TBCE: variants seen among roughly 807,000 people sequenced by gnomAD.
TBCE encodes the protein tubulin folding cofactor E, also known as tubulin-specific chaperone E.
TBCE carries 53 observed loss-of-function variants against 77.0 expected under a neutral mutation model. The ratio of observed to expected loss-of-function variants is 0.69; its 90% confidence interval spans 0.55 to 0.87. The LOEUF is 0.87. Among genes scored for constraint, TBCE ranks in the 40% least tolerant of loss-of-function variants. The pLI, the probability that TBCE is intolerant of heterozygous loss-of-function variation, is 0.00. For missense variants in TBCE, 624 were observed against 622.4 expected (o/e 1.00, Z -0.03); for synonymous variants, 235 against 241.3 (o/e 0.97, Z 0.24).
At chr1:235,387,668 G>A (rs1678109197) in intron 2 of TBCE, among the ~76,000 whole-genome samples, 2 of 152,144 alleles carry the variant, frequency 1.3e-5, no homozygotes, top group South Asian at 4.1e-4. Context: ...CAGTATTAGG[G>A]TGGGAGTGAC....
chr1:235,371,813 C>A (rs1676975101), intron 1 of TBCE, among the ~76,000 whole-genome samples: 1 of 152,212 alleles, frequency 6.6e-6, no homozygotes, highest in South Asian at 2.1e-4. Flanking sequence ...GCTGGGATTA[C>A]AGGGACCCGC....
At chr1:235,431,111 A>G (rs1434806511) in intron 7 of TBCE, among the ~76,000 whole-genome samples, 1 of 152,184 alleles carries the variant, frequency 6.6e-6, no homozygotes, top group Non-Finnish European at 1.5e-5. Context: ...AAAAAGCCGT[A>G]GTGTTGGCTA....
chr1:235,435,230 A>G (rs893497321), intron 8 of TBCE, among the ~76,000 whole-genome samples: 2 of 151,676 alleles, frequency 1.3e-5, no homozygotes, highest in African/African-American at 4.8e-5. Context: ...CCTCCCATGT[A>G]GCTGGGACTA....
chr1:235,439,103 A>G (rs1445371949), intron 13 of TBCE, 181 bp downstream of exon 13: 3 of 721,140 alleles, frequency 4.2e-6, no homozygotes, highest in Non-Finnish European at 7.0e-6. Flanking sequence ...GGGCAAGAGC[A>G]GTATCTTTCA....
chr1:235,407,435 G>T (rs778547946), intron 3 of TBCE, among the ~76,000 whole-genome samples: 1 of 152,140 alleles, frequency 6.6e-6, no homozygotes, highest in African/African-American at 2.4e-5. Flanking sequence ...CTGAAAGAAA[G>T]TTCATTGGCA....
At chr1:235,395,576 G>A (rs1429456286) in intron 2 of TBCE, among the ~76,000 whole-genome samples, 2 of 138,372 alleles carry the variant, frequency 1.4e-5, no homozygotes, top group African/African-American at 2.8e-5. Flanking sequence ...GTGGAGTCTC[G>A]CTCTGTCGCC....
chr1:235,443,169 CACACACACACACACACATATATATAT>C (rs1352216254), intron 15 of TBCE, among the ~76,000 whole-genome samples: 4 of 137,908 alleles, frequency 2.9e-5, no homozygotes, highest in African/African-American at 9.0e-5. Flanking sequence ...TATAATTACA[CACACACACACACACACATATATATAT>C]ACACACACAC....
chr1:235,375,714 T>C (rs1420504344), intron 1 of TBCE, among the ~76,000 whole-genome samples: 5 of 151,992 alleles, frequency 3.3e-5, no homozygotes, highest in Admixed American at 6.6e-5. Context: ...AAGACATTAT[T>C]AGAAACGTTC....
At chr1:235,422,427 A>G (rs1025086523) in intron 5 of TBCE, among the ~76,000 whole-genome samples, 1 of 151,992 alleles carries the variant, frequency 6.6e-6, no homozygotes, top group African/African-American at 2.4e-5. Context: ...GAGGCAGGAT[A>G]ATCACTTGAA....
At position 235,371,378 on chromosome 1, in the gene TBCE, C is replaced by CT. The variant is rs1256615105; in HGVS notation, c.-32+3889dup. Among the ~76,000 whole-genome samples, 847 of 134,980 alleles carry CT rather than the reference C, an allele frequency of 6.3e-3. 7 individuals are homozygous for CT. The highest frequency in any genetic ancestry group is 0.016 in the African/African-American group (594 of 36,704). The allele number at this position is 134,980 out of a possible 152,430, so 88.6% of individuals were successfully genotyped here. On this transcript the variant is annotated intron_variant, in intron 1 of 16. Coordinates refer to ENST00000642610, the MANE Select transcript of TBCE (RefSeq NM_003193.5). ...GCCACTCTTGTCTTTTTTTTTTTCC[C>CT]TTTTTTTTTTTTTTTGAGACAGGGT...
Position 235,441,891 on chromosome 1 carries a change from C to T in TBCE, c.1339+9C>T. The T allele has an allele frequency of 1.2e-6, 2 of 1,612,854 alleles. No homozygotes were observed. The highest frequency in any genetic ancestry group is 8.5e-7 in the Non-Finnish European group (1 of 1,179,098). ...GAAAAACCAGCTACTAAGTAAGAATCTCAGATTCAAATAGTTTATTTGTAT... is the reference window on the plus strand; with the variant it reads ...GAAAAACCAGCTACTAAGTAAGAATTTCAGATTCAAATAGTTTATTTGTAT... On this transcript the variant is annotated intron_variant, in intron 14 of 16. Transcript: ENST00000642610.
At chr1:235,421,238 C>T (rs926195865) in intron 5 of TBCE, among the ~76,000 whole-genome samples, 5 of 151,022 alleles carry the variant, frequency 3.3e-5, no homozygotes, top group African/African-American at 1.2e-4. Flanking sequence ...CAGACCTTGT[C>T]TCTATAAAAA....
chr1:235,430,689 T>G lies in TBCE; in HGVS notation c.561-16T>G, dbSNP rs772079854. 2.1e-5 allele frequency: 33 copies of G among 1,568,994 alleles called. No individual in the cohort carries two copies. The highest frequency in any genetic ancestry group is 2.9e-5 in the Non-Finnish European group (33 of 1,142,794). On this transcript the variant is annotated splice_polypyrimidine_tract_variant and intron_variant, in intron 6 of 16. Coordinates refer to ENST00000642610, the MANE Select transcript of TBCE (RefSeq NM_003193.5). ...TGTATAGAAATAAGTACATTGTATCTTTTTTTTCTACACAGTGAAAATAAA... is the reference window on the plus strand; with the variant it reads ...TGTATAGAAATAAGTACATTGTATCGTTTTTTTCTACACAGTGAAAATAAA...
rs1157708466 is a variant in TBCE, at chr1:235,442,873, A to G, written c.1361A>G (p.His454Arg). The G allele has an allele frequency of 5.0e-6, 8 of 1,613,958 alleles. No individual in the cohort carries two copies. The highest frequency in any genetic ancestry group is 6.8e-6 in the Non-Finnish European group (8 of 1,179,990). Residue 454 changes from histidine (H) to arginine (R), a missense_variant, in exon 15 of 17, where the codon CAT becomes CGT. Physicochemically the swap from His to Arg is conservative, Grantham distance 29. Coordinates refer to ENST00000642610, the MANE Select transcript of TBCE (RefSeq NM_003193.5). ...QLLTLKIKYPHQLDQKVLEKQ... is the reference protein window; with the variant it reads ...QLLTLKIKYPRQLDQKVLEKQ... Reference sequence around the variant, plus strand: ...AAAGCACTGAAGATAAAATACCCTCATCAACTTGATCAGAAAGTCCTGGAG... The same window carrying G: ...AAAGCACTGAAGATAAAATACCCTCGTCAACTTGATCAGAAAGTCCTGGAG...
intron 13 of TBCE, chr1:235,440,968 T>C (rs1205270631): frequency 6.6e-6 from 1 of 152,258 alleles, no homozygotes; most frequent in Non-Finnish European, 1.5e-5. Flanking sequence ...TATTTCTTAA[T>C]GCAAGAAGCT....
intron 4 of TBCE, chr1:235,415,211 T>G (rs1680045094): frequency 6.4e-6 from 1 of 155,054 alleles, no homozygotes; most frequent in East Asian, 1.9e-4. Flanking sequence ...CAGGCTGGTC[T>G]TGAACTCTTG....
At chr1:235,442,521 T>C (rs1010797797) in intron 14 of TBCE, among the ~76,000 whole-genome samples, 1 of 152,206 alleles carries the variant, frequency 6.6e-6, no homozygotes, top group South Asian at 2.1e-4. Flanking sequence ...TTTTTGTAAC[T>C]CCTATGTTTT....
intron 15 of TBCE, among the ~76,000 whole-genome samples, chr1:235,447,909 C>A (rs532768784): frequency 7.2e-5 from 11 of 152,042 alleles, no homozygotes; most frequent in Admixed American, 5.3e-4. Flanking sequence ...GGTAAAGTGA[C>A]TTGGGTAAAA....
At chr1:235,432,917 T>C (rs868537875) in intron 7 of TBCE, 2 of 648,572 alleles carry the variant, frequency 3.1e-6, no homozygotes, top group Non-Finnish European at 4.0e-6. Flanking sequence ...TTTTTTGTAA[T>C]TTTTTTTTTT....
Sources: gnomAD v4.1 joint callset for allele counts (sites outside exome capture counted in the v4.1 genomes callset) on GRCh38, gnomAD v4.1.1 for gene constraint, MANE v1.5 for transcripts, NCBI Gene and HGNC (gene_info 2026-07-23, HGNC 2026-07-21) for gene names.